EPB41L1: variants seen among roughly 807,000 people sequenced by gnomAD.
EPB41L1 encodes band 4.1-like protein 1.
In EPB41L1, 29 loss-of-function variants were observed where a neutral mutation model predicts 97.8. The observed-to-expected ratio is 0.30, with a 90% CI of 0.22 to 0.40. EPB41L1 has a LOEUF of 0.40. Ranked by LOEUF, EPB41L1 falls within the 10% of genes least tolerant of loss-of-function variation. The pLI, the probability that EPB41L1 is intolerant of heterozygous loss-of-function variation, is 1.00. For synonymous variants in EPB41L1, 383 were observed against 459.2 expected (o/e 0.83, Z 2.12); for missense variants, 812 against 1,162.3 (o/e 0.70, Z 4.38).
At chr20:36,192,633 T>G (rs1279817012) in intron 11 of EPB41L1, among the ~76,000 whole-genome samples, 2 of 152,018 alleles carry the variant, frequency 1.3e-5, no homozygotes, top group Non-Finnish European at 2.9e-5. Context: ...GCAAGTTAGT[T>G]CTACTTATAT....
intron 9 of EPB41L1, among the ~76,000 whole-genome samples, chr20:36,189,591 G>A (rs1330033676): frequency 6.6e-6 from 1 of 152,128 alleles, no homozygotes; most frequent in East Asian, 1.9e-4. Context: ...TTCTTCAAAT[G>A]TCAGCTCAAG....
At chr20:36,133,533 A>T (rs1212663432) in intron 2 of EPB41L1, among the ~76,000 whole-genome samples, 2 of 152,180 alleles carry the variant, frequency 1.3e-5, no homozygotes, top group East Asian at 3.8e-4. Context: ...CTACCTGCTG[A>T]AAACATACCC....
chr20:36,228,570 C>T (rs903648224), intron 21 of EPB41L1, among the ~76,000 whole-genome samples: 14 of 152,156 alleles, frequency 9.2e-5, no homozygotes, highest in Non-Finnish European at 1.8e-4. Flanking sequence ...TAGTAAGACT[C>T]GTCTGTTAAA....
rs1267684410 is a variant in EPB41L1, at chr20:36,214,383, G to A, written c.2211G>A (p.Gly737=). ...AGGTTGATGGGAGTGCCTCAGTGGG[G>A]AGGGAGTTCATAGCAACCACTCCCT... ...TQQVDGSASV[G]REFIATTPSI... The change falls in exon 17 of 22, where the codon GGG becomes GGA. Residue 737 remains glycine, a synonymous_variant. Coordinates refer to ENST00000338074, the MANE Select transcript of EPB41L1 (RefSeq NM_012156.2). The A allele has an allele frequency of 2.5e-6, 4 of 1,613,910 alleles. No individual in the cohort carries two copies. In the East Asian group the frequency reaches 8.9e-5, roughly 36 times the overall value.
chr20:36,169,973 T>C (rs577520467), intron 1 of EPB41L1, among the ~76,000 whole-genome samples: 1 of 152,336 alleles, frequency 6.6e-6, no homozygotes, highest in African/African-American at 2.4e-5. Context: ...TGGCCCAGCC[T>C]AGCCGCACAG....
At chr20:36,100,357 G>C (rs1224245955) in intron 1 of EPB41L1, among the ~76,000 whole-genome samples, 1 of 152,098 alleles carries the variant, frequency 6.6e-6, no homozygotes, top group Non-Finnish European at 1.5e-5. Context: ...CCAGATTAGA[G>C]GTCTAAAGAT....
intron 2 of EPB41L1, among the ~76,000 whole-genome samples, chr20:36,113,077 G>A (rs1006189076): frequency 6.6e-6 from 1 of 152,190 alleles, no homozygotes. Context: ...TGGAGTTGGC[G>A]TGGGGCTGGC....
rs964170419 is a variant in EPB41L1, at chr20:36,206,169, C to T, written c.1669-3319C>T. 2 of 1,289,748 alleles carry T rather than the reference C, an allele frequency of 1.6e-6. No individual in the cohort carries two copies. Among genetic ancestry groups the T allele is most frequent in the African/African-American group, 3.0e-5 (2 of 65,884 alleles). 79.9% of individuals were successfully genotyped at this position (1,289,748 alleles called of 1,614,324 possible). Reference sequence around the variant, plus strand: ...GAGGGGCTGCCCTGGCTTCCGGCCGCACATTGGCAGAAAAGCTCCTCGAGG... The same window carrying T: ...GAGGGGCTGCCCTGGCTTCCGGCCGTACATTGGCAGAAAAGCTCCTCGAGG... On this transcript the variant is annotated intron_variant, in intron 14 of 21. Coordinates refer to ENST00000338074, the MANE Select transcript of EPB41L1 (RefSeq NM_012156.2). The surrounding 1 kb of genome is among the most constrained non-coding windows in gnomAD (Gnocchi z 5.5).
upstream of EPB41L1, among the ~76,000 whole-genome samples, chr20:36,154,398 CA>C (rs1015839554): frequency 1.3e-5 from 2 of 152,016 alleles, no homozygotes; most frequent in Non-Finnish European, 2.9e-5. The surrounding 1 kb of genome is among the most constrained non-coding windows in gnomAD (Gnocchi z 5.5). Flanking sequence ...AGGGTGGGGG[CA>C]GCCGGGGCGC....
intron 6 of EPB41L1, 72 bp downstream of exon 6, chr20:36,182,419 GAC>G (rs2146133366): frequency 6.5e-7 from 1 of 1,529,938 alleles, no homozygotes; most frequent in African/African-American, 1.4e-5. Context: ...TGGCCCTGGG[GAC>G]ACAGGCAGTA....
chr20:36,193,529 T>C (rs2062052731), intron 11 of EPB41L1, among the ~76,000 whole-genome samples: 1 of 152,242 alleles, frequency 6.6e-6, no homozygotes. Context: ...AGTCGGATTA[T>C]GCCCAATGCG....
chr20:36,164,189 GCAAGGGAGCT>G (rs1310645382), intron 1 of EPB41L1, among the ~76,000 whole-genome samples: 5 of 152,144 alleles, frequency 3.3e-5, no homozygotes, highest in African/African-American at 1.2e-4. Flanking sequence ...AAACCAGGAG[GCAAGGGAGCT>G]CAAGGGACAG....
At chr20:36,222,486 T>G in intron 21 of EPB41L1, 92 bp downstream of exon 21, 5 of 1,061,192 alleles carry the variant, frequency 4.7e-6, no homozygotes, top group Non-Finnish European at 7.3e-6. Flanking sequence ...AGCCAGTGGC[T>G]TGACCCCTAG....
intron 6 of EPB41L1, among the ~76,000 whole-genome samples, chr20:36,182,922 A>G (rs114880134): frequency 0.011 from 1,604 of 152,296 alleles, 31 homozygotes; most frequent in African/African-American, 0.036. Context: ...CATCAGGCAC[A>G]TGGAAGTCAA....
intron 2 of EPB41L1, among the ~76,000 whole-genome samples, chr20:36,130,676 T>G (rs1176935214): frequency 6.6e-6 from 1 of 152,210 alleles, no homozygotes; most frequent in East Asian, 1.9e-4. Context: ...CCTTAGAGGC[T>G]CTCAGTAAAC....
At chr20:36,127,619 C>T (rs1600449960) in intron 2 of EPB41L1, among the ~76,000 whole-genome samples, 1 of 152,296 alleles carries the variant, frequency 6.6e-6, no homozygotes, top group Non-Finnish European at 1.5e-5. Context: ...CCAATCCTGA[C>T]ATAGGCAGAC....
intron 1 of EPB41L1, among the ~76,000 whole-genome samples, chr20:36,160,758 T>C (rs975371304): frequency 1.3e-5 from 2 of 152,266 alleles, no homozygotes; most frequent in Admixed American, 1.3e-4. Context: ...CATTGCATTA[T>C]TGTTTTACAA....
intron 1 of EPB41L1, among the ~76,000 whole-genome samples, chr20:36,097,286 A>G (rs1216160350): frequency 6.6e-6 from 1 of 152,156 alleles, no homozygotes; most frequent in African/African-American, 2.4e-5. Flanking sequence ...CTCTACAGTC[A>G]TTCGGGGCTT....
intron 1 of EPB41L1, among the ~76,000 whole-genome samples, chr20:36,167,248 C>T (rs1256250761): frequency 6.6e-6 from 1 of 152,022 alleles, no homozygotes; most frequent in African/African-American, 2.4e-5. Flanking sequence ...AGACGGAAAG[C>T]CAATGTGACA....
Sources: allele counts gnomAD v4.1 joint callset (sites outside exome capture counted in the v4.1 genomes callset), GRCh38; gene constraint gnomAD v4.1.1; non-coding constraint Gnocchi (gnomAD v3.1); transcripts MANE v1.5; gene names NCBI Gene and HGNC (gene_info 2026-07-23, HGNC 2026-07-21).